Variants in SGMS1 observed in about 807,000 individuals in gnomAD.
The protein encoded by SGMS1 is phosphatidylcholine:ceramide cholinephosphotransferase 1.
A neutral mutation model predicts 46.2 loss-of-function variants in SGMS1; 13 were observed. That is an observed-to-expected ratio of 0.28 (90% CI 0.18 to 0.45). The LOEUF (loss-of-function observed/expected upper bound fraction) is 0.45, where lower values mean the gene tolerates loss of function less well. SGMS1 is among the 20% of genes least tolerant of loss of function. SGMS1 has a pLI of 1.00. For missense variants in SGMS1, 324 were observed against 519.9 expected (o/e 0.62, Z 3.66); for synonymous variants, 203 against 187.8 (o/e 1.08, Z -0.66).
intron 6 of SGMS1, among the ~76,000 whole-genome samples, chr10:50,401,461 G>A (rs1398996729): frequency 6.6e-6 from 1 of 152,126 alleles, no homozygotes; most frequent in Non-Finnish European, 1.5e-5. Context: ...TCAGTGAGTG[G>A]CAACACTGGG....
intron 3 of SGMS1, among the ~76,000 whole-genome samples, chr10:50,490,229 T>C (rs1457084416): frequency 6.6e-6 from 1 of 152,224 alleles, no homozygotes; most frequent in Non-Finnish European, 1.5e-5. Context: ...TAAAATGATT[T>C]GCATTTATAA....
chr10:50,327,357 C>A, intron 7 of SGMS1, 35 bp from the exon 8 acceptor site: 1 of 1,227,906 alleles, frequency 8.1e-7, no homozygotes, highest in African/African-American at 1.5e-5. Context: ...GATTCTCAGT[C>A]AAGAAATTCT....
intron 2 of SGMS1, among the ~76,000 whole-genome samples, chr10:50,531,386 T>A (rs77937973): frequency 1.6e-4 from 24 of 151,394 alleles, no homozygotes; most frequent in African/African-American, 5.5e-4. Context: ...TTTTTTTTTT[T>A]ATAAATTCCC....
At chr10:50,329,509 G>A (rs780479029) in intron 7 of SGMS1, among the ~76,000 whole-genome samples, 4 of 152,296 alleles carry the variant, frequency 2.6e-5, no homozygotes, top group African/African-American at 4.8e-5. Context: ...TGTCTTTGGC[G>A]TATAATGTTA....
chr10:50,315,793 A>G (rs1026836561), intron 8 of SGMS1, among the ~76,000 whole-genome samples: 6 of 152,234 alleles, frequency 3.9e-5, no homozygotes, highest in Admixed American at 3.9e-4. Context: ...TCTCATATCT[A>G]CACCACTATG....
At chr10:50,345,278 G>A (rs1285144894) in intron 6 of SGMS1, among the ~76,000 whole-genome samples, 6 of 151,894 alleles carry the variant, frequency 4.0e-5, no homozygotes, top group Non-Finnish European at 8.8e-5. Flanking sequence ...AGCCCCTCTC[G>A]GGTTCTGTGA....
intron 5 of SGMS1, among the ~76,000 whole-genome samples, chr10:50,454,022 CT>C (rs1254624323): frequency 1.7e-5 from 2 of 116,436 alleles, no homozygotes; most frequent in African/African-American, 6.5e-5. Context: ...TCTATTCATA[CT>C]AGACTTTCAA....
chr10:50,528,494 G>A (rs1042338766), intron 2 of SGMS1, among the ~76,000 whole-genome samples: 3 of 152,232 alleles, frequency 2.0e-5, no homozygotes, highest in Non-Finnish European at 2.9e-5. Flanking sequence ...TACCAGTGAG[G>A]CAGTCAGAAA....
At chr10:50,397,423 G>C (rs764730492) in intron 6 of SGMS1, among the ~76,000 whole-genome samples, 2 of 152,182 alleles carry the variant, frequency 1.3e-5, no homozygotes, top group Admixed American at 6.5e-5. Context: ...AAGGAGACAG[G>C]CATGACACCA....
chr10:50,527,526 T>C (rs1008189292), intron 2 of SGMS1, among the ~76,000 whole-genome samples: 2 of 152,188 alleles, frequency 1.3e-5, no homozygotes, highest in African/African-American at 2.4e-5. Context: ...CTCCTGGCTA[T>C]CTAGTTTCAG....
chr10:50,588,271 G>C (rs532145606), intron 2 of SGMS1, among the ~76,000 whole-genome samples: 49 of 152,240 alleles, frequency 3.2e-4, no homozygotes, highest in African/African-American at 1.1e-3. Context: ...TGCCCTAAAT[G>C]GCTCACTTAA....
intron 6 of SGMS1, among the ~76,000 whole-genome samples, chr10:50,425,410 C>A (rs983866859): frequency 6.6e-6 from 1 of 152,188 alleles, no homozygotes; most frequent in Non-Finnish European, 1.5e-5. Context: ...GAATACTACA[C>A]AGGCATAAAA....
intron 6 of SGMS1, among the ~76,000 whole-genome samples, chr10:50,351,747 C>G (rs150294650): frequency 6.6e-6 from 1 of 152,130 alleles, no homozygotes; most frequent in African/African-American, 2.4e-5. Flanking sequence ...ACTGTAAGTC[C>G]AATTAAATAT....
intron 2 of SGMS1, among the ~76,000 whole-genome samples, chr10:50,532,225 C>CTGTG (rs71029313): frequency 0.075 from 9,720 of 130,446 alleles, 386 homozygotes; most frequent in East Asian, 0.1. Context: ...CTGAATGAGA[C>CTGTG]TGTGTGTGTG....
chr10:50,456,488 G>A (rs1291213956), intron 5 of SGMS1, among the ~76,000 whole-genome samples: 1 of 152,094 alleles, frequency 6.6e-6, no homozygotes, highest in African/African-American at 2.4e-5. Flanking sequence ...AGCTTCACAG[G>A]AGCCTTTTCT....
intron 6 of SGMS1, among the ~76,000 whole-genome samples, chr10:50,378,588 T>G (rs1848554245): frequency 6.6e-6 from 1 of 152,162 alleles, no homozygotes; most frequent in African/African-American, 2.4e-5. Flanking sequence ...ATACACTAAT[T>G]TGTAACTTCT....
intron 6 of SGMS1, among the ~76,000 whole-genome samples, chr10:50,388,380 T>C (rs1408811939): frequency 6.7e-6 from 1 of 149,866 alleles, no homozygotes; most frequent in African/African-American, 2.5e-5. Flanking sequence ...ATGCCTGTAA[T>C]CCCAGCACTT....
intron 6 of SGMS1, among the ~76,000 whole-genome samples, chr10:50,417,161 A>G (rs957217953): frequency 6.6e-6 from 1 of 152,104 alleles, no homozygotes; most frequent in African/African-American, 2.4e-5. Flanking sequence ...TCGTCACAGG[A>G]TTCCACTTTC....
chr10:50,498,396 G>A (rs1168253461), intron 3 of SGMS1, among the ~76,000 whole-genome samples: 1 of 152,004 alleles, frequency 6.6e-6, no homozygotes, highest in Non-Finnish European at 1.5e-5. Context: ...CATTCACATT[G>A]TTGTGTAACC....
Sources: gnomAD v4.1 joint callset for allele counts (sites outside exome capture counted in the v4.1 genomes callset) on GRCh38, gnomAD v4.1.1 for gene constraint, MANE v1.5 for transcripts, NCBI Gene and HGNC (gene_info 2026-07-23, HGNC 2026-07-21) for gene names.